Variants in MUSK observed in about 807,000 individuals in gnomAD.
MUSK encodes the protein muscle, skeletal receptor tyrosine-protein kinase.
Under a neutral mutation model 88.7 loss-of-function variants are expected in MUSK, and 55 were observed. The ratio of observed to expected loss-of-function variants is 0.62; its 90% confidence interval spans 0.50 to 0.78. MUSK has a LOEUF of 0.78. Ranked by LOEUF, MUSK falls within the 30% of genes least tolerant of loss-of-function variation. The probability of loss-of-function intolerance (pLI) is 0.00; values close to 1 mark genes in which losing one functional copy is unlikely to be tolerated. For missense variants in MUSK, 1,015 were observed against 1,074.3 expected, an observed-to-expected ratio of 0.94 and a Z score of 0.77; for synonymous variants, 387 against 391.9, an observed-to-expected ratio of 0.99 and a Z score of 0.15.
At chr9:110,760,919 T>TC (rs558926713) in intron 7 of MUSK, among the ~76,000 whole-genome samples, 51 of 151,696 alleles carry the variant, frequency 3.4e-4, no homozygotes, top group African/African-American at 1.2e-3. Flanking sequence ...CCCTTAAAAA[T>TC]CCCCCCCAAA....
rs375978948 is a variant in MUSK at position 110,789,466 on chromosome 9, G to C, written c.1927+1628G>C. ...AAGGAACAGGTTCCTTTAGTGGAGA[G>C]AGTGGGAATTCATTTAAAGATGTGG... On this transcript the variant is annotated intron_variant, in intron 14 of 14. Coordinates refer to ENST00000374448, the MANE Select transcript of MUSK (RefSeq NM_005592.4). Among the ~76,000 whole-genome samples the C allele has an allele frequency of 5.3e-5, 8 of 152,326 alleles. No homozygotes were observed. The East Asian group carries it at 1.5e-3, about 29-fold the overall frequency.
chr9:110,789,203 G>A (rs1296434161), intron 14 of MUSK, among the ~76,000 whole-genome samples: 2 of 152,252 alleles, frequency 1.3e-5, no homozygotes, highest in East Asian at 3.8e-4. Flanking sequence ...CAGGAAGACA[G>A]TAAACAGGTA....
chr9:110,759,665 TAAAC>T (rs755724242), intron 7 of MUSK, among the ~76,000 whole-genome samples: 6 of 152,166 alleles, frequency 3.9e-5, no homozygotes, highest in Admixed American at 2.0e-4. Context: ...GCAAAGGACA[TAAAC>T]AGACACTTTT....
intron 5 of MUSK, among the ~76,000 whole-genome samples, chr9:110,724,308 T>C (rs1384441917): frequency 6.6e-6 from 1 of 152,054 alleles, no homozygotes; most frequent in Non-Finnish European, 1.5e-5. Flanking sequence ...TTTCCTAATG[T>C]GCTTTGAAAT....
At chr9:110,679,128 T>G (rs2076071738) in intron 1 of MUSK, among the ~76,000 whole-genome samples, 1 of 152,124 alleles carries the variant, frequency 6.6e-6, no homozygotes, top group East Asian at 1.9e-4. Flanking sequence ...GATGTTTATA[T>G]CTTCTATATC....
At chr9:110,696,287 A>AC (rs1036404640) in intron 4 of MUSK, among the ~76,000 whole-genome samples, 1 of 152,026 alleles carries the variant, frequency 6.6e-6, no homozygotes, top group Admixed American at 6.6e-5. Flanking sequence ...CAAAAAAAAA[A>AC]AAAGTTATTA....
rs757030913 is a variant in MUSK at position 110,747,802 on chromosome 9, T to C, written c.913+2T>C. The C allele has an allele frequency of 1.2e-6, 2 of 1,613,570 alleles. No individual in the cohort carries two copies. Among genetic ancestry groups the C allele is most frequent in the East Asian group, 4.5e-5 (2 of 44,868 alleles). On this transcript the variant is annotated splice_donor_variant, in intron 7 of 14. Coordinates refer to ENST00000374448, the MANE Select transcript of MUSK (RefSeq NM_005592.4). LOFTEE classifies it high-confidence loss of function. ...CTGCAGCCACCATCAGCATAGCAGG[T>C]AGGATGCCCCTTCACATTTGCGTTG...
chr9:110,716,286 A>G lies in MUSK; in HGVS notation c.629-17965A>G, dbSNP rs562083431. ...AAAGGCAAAAAACAGAGTGGTTTAT[A>G]TAATTGGAATAATTTTTACATCTCT... On this transcript the variant is annotated intron_variant, in intron 5 of 14. Coordinates refer to ENST00000374448, the MANE Select transcript of MUSK (RefSeq NM_005592.4). Among the ~76,000 whole-genome samples, 4 of 150,280 alleles carry G rather than the reference A, an allele frequency of 2.7e-5. 1 individual carries two copies. The highest frequency in any genetic ancestry group is 4.4e-5 in the Non-Finnish European group (3 of 67,934).
Position 110,805,752 on chromosome 9 carries a change from C to T in MUSK, c.*4764C>T, listed in dbSNP as rs1224506453. Among the ~76,000 whole-genome samples, 7 of 151,852 alleles carry T rather than the reference C, an allele frequency of 4.6e-5. No individual in the cohort carries two copies. In the South Asian group the frequency reaches 6.2e-4, roughly 14 times the overall value. On this transcript the variant is annotated 3_prime_UTR_variant, in exon 15 of 15. Transcript: ENST00000374448. ...ATTTATTTCCTAATGTAGCGATATC[C>T]TTGTCTTCTAGGAATAAACTTTTTG...
Position 110,690,189 on chromosome 9 carries a change from T to TATAGATAA in MUSK, c.358+2924_358+2925insGATAAATA, listed in dbSNP as rs1254556152. ...ATAAATATATAAATATATATTTAAGTATATATAAATATATATAAATATATA... is the reference window on the plus strand; with the variant it reads ...ATAAATATATAAATATATATTTAAGTATAGATAAATATATAAATATATATAAATATATA... On this transcript the variant is annotated intron_variant, in intron 3 of 14. Coordinates refer to ENST00000374448, the MANE Select transcript of MUSK (RefSeq NM_005592.4). 6.6e-5 allele frequency among the ~76,000 whole-genome samples: 5 copies of TATAGATAA among 76,280 alleles called. 1 individual carries two copies. The highest frequency in any genetic ancestry group is 3.1e-4 in the African/African-American group (5 of 16,304). The allele number at this position is 76,280 out of a possible 152,430, so 50.0% of individuals were successfully genotyped here.
intron 7 of MUSK, among the ~76,000 whole-genome samples, chr9:110,754,461 C>G (rs561024029): frequency 1.8e-4 from 27 of 152,194 alleles, no homozygotes; most frequent in African/African-American, 6.5e-4. Flanking sequence ...TTCTTGGACC[C>G]CTTCCTCATC....
At chr9:110,747,466 A>C (rs1446585065) in intron 6 of MUSK, among the ~76,000 whole-genome samples, 175 bp from the exon 7 acceptor site, 4 of 152,364 alleles carry the variant, frequency 2.6e-5, no homozygotes, top group African/African-American at 9.6e-5. Flanking sequence ...TTGAGGGAAG[A>C]GCTACAAAGT....
intron 2 of MUSK, among the ~76,000 whole-genome samples, chr9:110,685,285 A>C (rs924433514): frequency 5.3e-5 from 8 of 152,096 alleles, no homozygotes; most frequent in African/African-American, 1.9e-4. Context: ...ATGTTGAACT[A>C]TCCTTGTATC....
At chr9:110,670,424 C>G (rs1434940376) in intron 1 of MUSK, among the ~76,000 whole-genome samples, 1 of 152,126 alleles carries the variant, frequency 6.6e-6, no homozygotes, top group Non-Finnish European at 1.5e-5. Context: ...TACTAAAATA[C>G]AGTCTTATAA....
chr9:110,713,689 C>A (rs946117858), intron 5 of MUSK, among the ~76,000 whole-genome samples: 22 of 152,148 alleles, frequency 1.4e-4, no homozygotes, highest in African/African-American at 5.1e-4. Context: ...ATGTTCCCAA[C>A]CCAAGCCACT....
chr9:110,747,728 A>ACATG lies in MUSK; in HGVS notation c.845_848dup (p.Ile283MetfsTer6), dbSNP rs922887919. ...GTTTATCACCAAGCCAGGACTCTAC[A>ACATG]CATGCATAGCTACCAATAAGCATGG... is the stretch of plus-strand genomic sequence containing the variant. On this transcript the variant is annotated frameshift_variant, in exon 7 of 15. Coordinates refer to ENST00000374448, the MANE Select transcript of MUSK (RefSeq NM_005592.4). LOFTEE classifies it high-confidence loss of function. The ACATG allele has an allele frequency of 6.2e-7, 1 of 1,613,754 alleles. No individual in the cohort carries two copies. The highest frequency in any genetic ancestry group is 8.5e-7 in the Non-Finnish European group (1 of 1,179,802).
intron 9 of MUSK, among the ~76,000 whole-genome samples, chr9:110,773,390 T>C (rs546425486): frequency 3.3e-5 from 5 of 152,236 alleles, no homozygotes; most frequent in African/African-American, 1.2e-4. Context: ...ACCGTATTTG[T>C]ATTGTTCAAT....
At chr9:110,681,108 T>TAA (rs1564209887) in intron 1 of MUSK, among the ~76,000 whole-genome samples, 1 of 45,478 alleles carries the variant, frequency 2.2e-5, no homozygotes, top group African/African-American at 1.0e-4. Flanking sequence ...ATAATATATA[T>TAA]TATATATAAT....
chr9:110,686,481 T>A (rs531510218), intron 2 of MUSK, among the ~76,000 whole-genome samples: 8 of 152,298 alleles, frequency 5.3e-5, no homozygotes, highest in African/African-American at 1.9e-4. Flanking sequence ...CTCTCTTTTA[T>A]ATTGCTGCTT....
Sources: allele counts gnomAD v4.1 joint callset (sites outside exome capture counted in the v4.1 genomes callset), GRCh38; gene constraint gnomAD v4.1.1; transcripts MANE v1.5; gene names NCBI Gene and HGNC (gene_info 2026-07-23, HGNC 2026-07-21).